Variants in PLK2 observed in about 807,000 individuals in gnomAD.
PLK2 encodes the protein polo like kinase 2.
In PLK2, 25 loss-of-function variants were observed where a neutral mutation model predicts 78.1. That is an observed-to-expected ratio of 0.32 (90% CI 0.23 to 0.45). PLK2 has a LOEUF of 0.45. PLK2 is among the 20% of genes least tolerant of loss of function. The pLI, the probability that PLK2 is intolerant of heterozygous loss-of-function variation, is 1.00. For synonymous variants in PLK2, 332 were observed against 298.2 expected (o/e 1.11, Z -1.17); for missense variants, 566 against 840.2 (o/e 0.67, Z 4.04).
intron 13 of PLK2, 54 bp from the exon 14 acceptor site, chr5:58,454,828 A>G: frequency 6.7e-7 from 1 of 1,502,712 alleles, no homozygotes; most frequent in South Asian, 1.1e-5. Context: ...GAATTAGAAA[A>G]GTTCAGTCAA....
intron 3 of PLK2, 70 bp from the exon 4 acceptor site, chr5:58,458,598 G>T: frequency 6.8e-7 from 1 of 1,478,694 alleles, no homozygotes; most frequent in Non-Finnish European, 9.3e-7. Flanking sequence ...TCCCTTTGCA[G>T]GATGAGCAAT....
rs17710502 is a variant in PLK2 at position 58,457,289 on chromosome 5, C to A, written c.900G>T (p.Pro300=). 6.2e-7 allele frequency: 1 copy of A among 1,613,302 alleles called. No individual in the cohort carries two copies. The highest frequency in any genetic ancestry group is 1.1e-5 in the South Asian group (1 of 91,066). The stretch of plus-strand genomic sequence containing the variant: ...GCTTGGCAGGAGCCAGCAATGAGGA[C>A]GGCATTGTATACCTTGCTTCCCTTA... The part of the protein sequence containing the change: ...RCIREARYTM[P]SSLLAPAKHL... Residue 300 remains proline (P), a synonymous_variant, in exon 7 of 14, where the codon CCG becomes CCT. Transcript: ENST00000274289.
chr5:58,456,852 A>T, intron 8 of PLK2, 93 bp downstream of exon 8: 1 of 818,068 alleles, frequency 1.2e-6, no homozygotes, highest in Non-Finnish European at 1.9e-6. Context: ...AATATGGCCA[A>T]GTTATGCTAA....
chr5:58,455,510 G>A, intron 11 of PLK2, 29 bp downstream of exon 11: 1 of 1,613,258 alleles, frequency 6.2e-7, no homozygotes, highest in Non-Finnish European at 8.5e-7. Context: ...CTAGAGAACT[G>A]ACAGGATTTC....
At chr5:58,457,661 G>C (rs954631817) in intron 5 of PLK2, 78 bp from the exon 6 acceptor site, 5 of 797,640 alleles carry the variant, frequency 6.3e-6, no homozygotes, top group African/African-American at 1.7e-5. Flanking sequence ...TGACTTGATG[G>C]GAGACAAAAT....
chr5:58,456,073 C>T lies in PLK2; in HGVS notation c.1337G>A (p.Arg446Gln), dbSNP rs374627473. The change falls in exon 10 of 14, where the codon CGG becomes CAG. Residue 446 changes from arginine to glutamine, a missense_variant. By Grantham distance (43) the Arg-to-Gln change is conservative (BLOSUM62 1). Transcript: ENST00000274289. Reference protein sequence around the residue: ...ENKQQIGDAIRMIVRGTLGSC... With the variant: ...ENKQQIGDAIQMIVRGTLGSC... ...GCCAAGAGTCCCTCTGACTATCATC[C>T]GAATAGCATCCCCAATCTGCTGCTT... is the stretch of plus-strand genomic sequence containing the variant. 3.3e-5 allele frequency: 53 copies of T among 1,613,882 alleles called. No homozygotes were observed. The highest frequency in any genetic ancestry group is 2.4e-5 in the Non-Finnish European group (28 of 1,179,924).
In PLK2 at chr5:58,459,670, C is replaced by G. The variant is rs778272112; in HGVS notation, c.270+20G>C. The G allele has an allele frequency of 6.5e-7, 1 of 1,537,592 alleles. No individual in the cohort carries two copies. Among genetic ancestry groups the G allele is most frequent in the Non-Finnish European group, 8.8e-7 (1 of 1,141,994 alleles). On this transcript the variant is annotated intron_variant, in intron 1 of 13. Transcript: ENST00000274289. ...CAGACCTCCCGCCCGCCCGGCAGCC[C>G]GGCGCCCTCCGCTTGTCACCTTTCC...
intron 13 of PLK2, 50 bp from the exon 14 acceptor site, chr5:58,454,824 G>A (rs1743554106): frequency 6.6e-7 from 1 of 1,509,300 alleles, no homozygotes; most frequent in Non-Finnish European, 9.2e-7. Flanking sequence ...TCGAGAATTA[G>A]AAAAGTTCAG....
At chr5:58,459,259 G>T in intron 1 of PLK2, 167 bp from the exon 2 acceptor site, 1 of 608,886 alleles carries the variant, frequency 1.6e-6, no homozygotes, top group East Asian at 2.7e-5. Flanking sequence ...GCTCCCTCAT[G>T]AAGAGAAATG....
intron 12 of PLK2, 98 bp downstream of exon 12, chr5:58,455,187 C>G: frequency 7.1e-7 from 1 of 1,407,596 alleles, no homozygotes; most frequent in Non-Finnish European, 9.9e-7. Flanking sequence ...AACGGTAGGT[C>G]AGGAGAATCT....
chr5:58,457,744 A>T, intron 5 of PLK2, 161 bp from the exon 6 acceptor site: 2 of 608,532 alleles, frequency 3.3e-6, no homozygotes, highest in East Asian at 5.5e-5. Context: ...TGAAAATTCA[A>T]TTGAGATCTG....
At position 58,460,084 on chromosome 5, in the gene PLK2, T is replaced by A. The variant is rs1743725524; in HGVS notation, c.-125A>T. ...AGCACCCAACACCCCGGTCCACTTG[T>A]GCGAGTGAGAGCGCTCGGCGAAGTC... On this transcript the variant is annotated 5_prime_UTR_variant, in exon 1 of 14. Coordinates refer to ENST00000274289, the MANE Select transcript of PLK2 (RefSeq NM_006622.4). 1.2e-5 allele frequency: 14 copies of A among 1,171,668 alleles called. No individual in the cohort carries two copies. The highest frequency in any genetic ancestry group is 1.5e-5 in the Non-Finnish European group (13 of 848,772). 72.6% of individuals were successfully genotyped at this position (1,171,668 alleles called of 1,614,324 possible). A position where few individuals can be genotyped will look rare whatever the true frequency, so the allele number is the denominator to read the frequency against.
In PLK2 at chr5:58,454,495, T is replaced by A. The variant is rs536792388; in HGVS notation, c.*88A>T. The A allele has an allele frequency of 9.4e-5, 89 of 945,564 alleles. 2 individuals are homozygous for A. In the South Asian group the frequency reaches 1.4e-3, roughly 15 times the overall value. The allele number at this position is 945,564 out of a possible 1,614,324, so 58.6% of individuals were successfully genotyped here. The stretch of plus-strand genomic sequence containing the variant: ...TTCGTACCACCACATGTCCATCTTC[T>A]TCAACATACTCTAGATCATTCTTTT... On this transcript the variant is annotated 3_prime_UTR_variant, in exon 14 of 14. Transcript: ENST00000274289.
Position 58,458,718 on chromosome 5 carries a change from CACTT to C in PLK2, c.495+3_495+6del. The C allele has an allele frequency of 7.0e-7, 1 of 1,420,268 alleles. No individual in the cohort carries two copies. The highest frequency in any genetic ancestry group is 1.0e-6 in the Non-Finnish European group (1 of 1,004,736). The allele number at this position is 1,420,268 out of a possible 1,614,324, so 88.0% of individuals were successfully genotyped here. A position where few individuals can be genotyped will look rare whatever the true frequency, so the allele number is the denominator to read the frequency against. On this transcript the variant is annotated splice_donor_5th_base_variant and intron_variant, in intron 3 of 13. Coordinates refer to ENST00000274289, the MANE Select transcript of PLK2 (RefSeq NM_006622.4). ...GCAAATGTTCTCAAATAGGAGTTGA[CACTT>C]ACCCTTCTACTGCAGTATTCCAAGA...
At chr5:58,459,434 C>T in intron 1 of PLK2, 2 of 563,794 alleles carry the variant, frequency 3.5e-6, no homozygotes, top group Non-Finnish European at 3.1e-6. Flanking sequence ...TGTAGAAAGC[C>T]CTCGCTTCCA....
At chr5:58,459,132 CA>C in intron 1 of PLK2, 40 bp from the exon 2 acceptor site, 1 of 848,800 alleles carries the variant, frequency 1.2e-6, no homozygotes, top group East Asian at 2.7e-5. Flanking sequence ...GAGGATGGCA[CA>C]AAAATGGACG....
chr5:58,454,835 T>C, intron 13 of PLK2, 61 bp from the exon 14 acceptor site: 1 of 1,481,198 alleles, frequency 6.8e-7, no homozygotes, highest in Non-Finnish European at 9.4e-7. Flanking sequence ...AAAAGTTCAG[T>C]CAATCACTAA....
chr5:58,458,676 A>G, intron 3 of PLK2, 49 bp downstream of exon 3: 3 of 1,253,732 alleles, frequency 2.4e-6, no homozygotes, highest in Non-Finnish European at 3.5e-6. Context: ...TTTGAATACC[A>G]TGTTAATTCG....
At chr5:58,455,188 A>G (rs986136554) in intron 12 of PLK2, 97 bp downstream of exon 12, 3 of 1,410,508 alleles carry the variant, frequency 2.1e-6, no homozygotes, top group South Asian at 1.2e-5. Context: ...ACGGTAGGTC[A>G]GGAGAATCTG....
Sources: gnomAD v4.1 joint callset for allele counts on GRCh38, gnomAD v4.1.1 for gene constraint, MANE v1.5 for transcripts, NCBI Gene and HGNC (gene_info 2026-07-23, HGNC 2026-07-21) for gene names.